The following NAV3 variants were observed in gnomAD, a reference collection of about 807,000 sequenced individuals.
NAV3 encodes the protein neuron navigator 3, also known as pore membrane and/or filament interacting like protein 1.
A neutral mutation model predicts 244.7 loss-of-function variants in NAV3; 87 were observed. The observed-to-expected ratio is 0.36, with a 90% CI of 0.30 to 0.42. NAV3 has a LOEUF of 0.42. Ranked by LOEUF, NAV3 falls within the 20% of genes least tolerant of loss-of-function variation. The pLI, the probability that NAV3 is intolerant of heterozygous loss-of-function variation, is 1.00. For synonymous variants in NAV3, 1,126 were observed against 1,042.2 expected (o/e 1.08, Z -1.55); for missense variants, 2,663 against 2,893.3 (o/e 0.92, Z 1.83).
intron 12 of NAV3, among the ~76,000 whole-genome samples, chr12:78,109,060 A>G (rs1052068841): frequency 6.6e-6 from 1 of 151,970 alleles, no homozygotes; most frequent in Admixed American, 6.6e-5. Context: ...AAACCACTAG[A>G]TAGACTAAAC....
At chr12:77,643,713 A>G (rs1872513624) in intron 2 of NAV3, among the ~76,000 whole-genome samples, 1 of 151,946 alleles carries the variant, frequency 6.6e-6, no homozygotes, top group Non-Finnish European at 1.5e-5. Context: ...TAACAATTAT[A>G]TTTGGAAAAT....
At chr12:78,095,060 TATATACACAC>T (rs1954165595) in intron 12 of NAV3, among the ~76,000 whole-genome samples, 1 of 112,206 alleles carries the variant, frequency 8.9e-6, no homozygotes, top group African/African-American at 2.8e-5. Flanking sequence ...TATATATATA[TATATACACAC>T]ACACACACAC....
chr12:77,920,105 G>A (rs1455659282), intron 1 of NAV3, among the ~76,000 whole-genome samples: 3 of 151,932 alleles, frequency 2.0e-5, no homozygotes, highest in African/African-American at 7.2e-5. Flanking sequence ...CCGGGTTCTG[G>A]CACTCTTTAC....
chr12:77,882,790 A>C (rs567752773), intron 1 of NAV3, among the ~76,000 whole-genome samples: 1 of 152,318 alleles, frequency 6.6e-6, no homozygotes, highest in African/African-American at 2.4e-5. Flanking sequence ...GATACTTCTC[A>C]AAATAAGACA....
intron 1 of NAV3, among the ~76,000 whole-genome samples, chr12:77,906,807 G>A (rs911516054): frequency 1.3e-5 from 2 of 152,084 alleles, no homozygotes; most frequent in Non-Finnish European, 2.9e-5. Context: ...CTGTATAAGT[G>A]TTAAATATTG....
At chr12:77,725,145 G>A (rs1283657633) in intron 2 of NAV3, among the ~76,000 whole-genome samples, 1 of 151,832 alleles carries the variant, frequency 6.6e-6, no homozygotes, top group Non-Finnish European at 1.5e-5. Flanking sequence ...TTTCCATTGA[G>A]GATTTCCCTT....
chr12:77,784,453 AT>A (rs1870813218), intron 2 of NAV3, among the ~76,000 whole-genome samples: 1 of 152,330 alleles, frequency 6.6e-6, no homozygotes, highest in African/African-American at 2.4e-5. Flanking sequence ...ACTAAAGGAG[AT>A]TGAAAGACTG....
At chr12:78,072,027 T>G (rs1056706555) in intron 12 of NAV3, among the ~76,000 whole-genome samples, 2 of 152,136 alleles carry the variant, frequency 1.3e-5, no homozygotes, top group African/African-American at 4.8e-5. Context: ...CTGGGACGCA[T>G]TCAAAGCAGT....
chr12:77,825,843 A>T (rs185434441), intron 2 of NAV3, among the ~76,000 whole-genome samples: 1 of 152,210 alleles, frequency 6.6e-6, no homozygotes, highest in African/African-American at 2.4e-5. Flanking sequence ...ACTCAGTAAT[A>T]ATGAGACAAA....
intron 1 of NAV3, among the ~76,000 whole-genome samples, chr12:77,835,173 T>G (rs1322799306): frequency 6.6e-6 from 1 of 152,128 alleles, no homozygotes; most frequent in East Asian, 1.9e-4. Flanking sequence ...TCCACTTAAT[T>G]AAAAAGATAC....
intron 2 of NAV3, among the ~76,000 whole-genome samples, chr12:77,773,721 G>A (rs920564141): frequency 4.6e-5 from 7 of 152,088 alleles, no homozygotes; most frequent in South Asian, 2.1e-4. Flanking sequence ...TGAGTAACCC[G>A]CAAATATGTA....
intron 2 of NAV3, among the ~76,000 whole-genome samples, chr12:77,811,123 T>A (rs1300754831): frequency 6.6e-6 from 1 of 152,246 alleles, no homozygotes; most frequent in Non-Finnish European, 1.5e-5. Flanking sequence ...AAAATACAAA[T>A]TCTAAAACTT....
At chr12:78,120,004 TAC>T in intron 15 of NAV3, 59 bp downstream of exon 15, 4 of 1,272,260 alleles carry the variant, frequency 3.1e-6, no homozygotes, top group Non-Finnish European at 4.4e-6. Context: ...GTTAGACACA[TAC>T]ATTACATATA....
intron 2 of NAV3, among the ~76,000 whole-genome samples, chr12:77,821,139 C>T (rs1036011765): frequency 1.3e-5 from 2 of 151,544 alleles, no homozygotes; most frequent in African/African-American, 2.4e-5. Flanking sequence ...CCTCAGAGTT[C>T]CTAGTAAAAT....
intron 38 of NAV3, among the ~76,000 whole-genome samples, chr12:78,202,674 G>A (rs1408095896): frequency 6.6e-6 from 1 of 152,050 alleles, no homozygotes; most frequent in Non-Finnish European, 1.5e-5. Flanking sequence ...TTAGAAGTAG[G>A]TTAGTGTGAA....
At chr12:78,008,858 T>G (rs1382315948) in intron 8 of NAV3, among the ~76,000 whole-genome samples, 6 of 152,124 alleles carry the variant, frequency 3.9e-5, no homozygotes, top group Non-Finnish European at 8.8e-5. Context: ...GACTCCAGGG[T>G]CCCTGTTTGA....
rs139426818 is a variant in NAV3, at chr12:77,711,792, T to G, written c.72+139526T>G. ...TTAAGTCTGCTTTTAGGAAATTTTCTGCTTTGTGTTTGACTACCAAGCCCC... is the reference window on the plus strand; with the variant it reads ...TTAAGTCTGCTTTTAGGAAATTTTCGGCTTTGTGTTTGACTACCAAGCCCC... On this transcript the variant is annotated intron_variant, in intron 2 of 8. Coordinates refer to the NAV3 transcript ENST00000550042. Among the ~76,000 whole-genome samples, 308 of 152,334 alleles carry G rather than the reference T, an allele frequency of 2.0e-3. 3 individuals are homozygous for G. The highest frequency in any genetic ancestry group is 7.2e-3 in the African/African-American group (298 of 41,584).
In NAV3 at chr12:78,122,486, A is replaced by AC. The variant is rs1184082133; in HGVS notation, c.4238+63dup. ...CCCCCTCTTCCCTGCACTATGCCTA[A>AC]CCCCCACCCCATTAAATTCCCTTGA... On this transcript the variant is annotated intron_variant, in intron 16 of 39. Transcript: ENST00000397909. 3.9e-5 allele frequency: 58 copies of AC among 1,496,660 alleles called. 1 individual carries two copies. The Middle Eastern group carries it at 9.0e-4, about 23-fold the overall frequency. The allele number at this position is 1,496,660 out of a possible 1,614,324, so 92.7% of individuals were successfully genotyped here.
chr12:77,710,400 C>T (rs1876050255), intron 2 of NAV3, among the ~76,000 whole-genome samples: 2 of 152,110 alleles, frequency 1.3e-5, no homozygotes, highest in Non-Finnish European at 2.9e-5. Context: ...TTTGGATGCT[C>T]TACAGATTGC....
Sources: gnomAD v4.1 joint callset for allele counts (sites outside exome capture counted in the v4.1 genomes callset) on GRCh38, gnomAD v4.1.1 for gene constraint, MANE v1.5 for transcripts, NCBI Gene and HGNC (gene_info 2026-07-23, HGNC 2026-07-21) for gene names.